CFAP46: variants seen among roughly 807,000 people sequenced by gnomAD.
The protein encoded by CFAP46 is cilia and flagella associated protein 46.
In CFAP46, 245 loss-of-function variants were observed where a neutral mutation model predicts 325.7. The observed-to-expected ratio is 0.75, with a 90% CI of 0.68 to 0.84. The LOEUF (loss-of-function observed/expected upper bound fraction) is 0.84, where lower values mean the gene tolerates loss of function less well. Among genes scored for constraint, CFAP46 ranks in the 40% least tolerant of loss-of-function variants. The probability of loss-of-function intolerance (pLI) is 0.00; values close to 1 mark genes in which losing one functional copy is unlikely to be tolerated. For synonymous variants in CFAP46, 1,523 were observed against 1,495.9 expected, an observed-to-expected ratio of 1.02 and a Z score of -0.42; for missense variants, 3,346 against 3,543.0, an observed-to-expected ratio of 0.94 and a Z score of 1.41.
Position 132,844,802 on chromosome 10 carries a change from C to A in CFAP46, c.6438+1255G>T, listed in dbSNP as rs375784497. Among the ~76,000 whole-genome samples the A allele has an allele frequency of 2.6e-5, 4 of 152,310 alleles. 1 individual carries two copies. Among genetic ancestry groups the A allele is most frequent in the African/African-American group, 9.6e-5 (4 of 41,566 alleles). On this transcript the variant is annotated intron_variant, in intron 44 of 57. Transcript: ENST00000368586. ...CCCACAGCAGGTGCTCTGGTACCAGCCTGGCTGCTTGCTCCTCACCTGTCC... is the reference window on the plus strand; with the variant it reads ...CCCACAGCAGGTGCTCTGGTACCAGACTGGCTGCTTGCTCCTCACCTGTCC...
At position 132,919,750 on chromosome 10, in the gene CFAP46, G is replaced by A. The variant is rs764740043; in HGVS notation, c.1731-308C>T. Among the ~76,000 whole-genome samples the A allele has an allele frequency of 1.2e-4, 18 of 152,162 alleles. No individual in the cohort carries two copies. The highest frequency in any genetic ancestry group is 1.8e-4 in the Non-Finnish European group (12 of 67,980). On this transcript the variant is annotated intron_variant, in intron 14 of 57. Transcript: ENST00000368586. This position sits in a 1 kb window ranked among gnomAD's most constrained non-coding sequence, Gnocchi z 9.7. ...AGGCCTCCCGGGGATGGTACCGACC[G>A]CAGGGTCGGTACCAAAAATCAGCCT...
Position 132,814,908 on chromosome 10 carries a change from C to T in CFAP46, c.7124G>A (p.Gly2375Asp). Residue 2375 changes from glycine to aspartate, a missense_variant, in exon 51 of 58, where the codon GGC (glycine) becomes GAC (aspartate). Transcript: ENST00000368586. The stretch of plus-strand genomic sequence containing the variant: ...TCTGCTTCTTCCCTCCTTTTTCACG[C>T]CACCTTCTGTTGAAGACAAGAAAGA... ...NRLHKEETEG[G>D]VKKEGRSRDP... The T allele has an allele frequency of 6.2e-7, 1 of 1,614,142 alleles. No individual in the cohort carries two copies. The highest frequency in any genetic ancestry group is 1.1e-5 in the South Asian group (1 of 91,086).
intron 50 of CFAP46, among the ~76,000 whole-genome samples, chr10:132,821,539 TGTGTGCTGTGTGCTGAC>T (rs1847829214): frequency 1.5e-5 from 2 of 134,450 alleles, no homozygotes; most frequent in African/African-American, 2.9e-5. Context: ...TGTGTGCTGA[TGTGTGCTGTGTGCTGAC>T]GTGTGCTGTG....
chr10:132,909,793 C>T, intron 20 of CFAP46, 126 bp downstream of exon 20: 1 of 902,748 alleles, frequency 1.1e-6, no homozygotes, highest in Non-Finnish European at 1.6e-6. Flanking sequence ...AAGGGAGTGC[C>T]CAGGCCATCC....
chr10:132,866,722 T>G (rs924322181), intron 34 of CFAP46, among the ~76,000 whole-genome samples: 2 of 152,230 alleles, frequency 1.3e-5, no homozygotes, highest in African/African-American at 4.8e-5. Context: ...GGTCCTGTGC[T>G]GAGCCCCTGT....
rs1457591750 is a variant in CFAP46, at chr10:132,857,651, C to T, written c.5513G>A (p.Gly1838Asp). ...CCTCCCTTCTTCCTCAGCCATGGCG[C>T]CCTGGGCCAGGCCATATAAGCCCTG... The part of the protein sequence containing the change: ...SIQGLYGLAQ[G>D]AMAEEEGRLH... The change falls in exon 39 of 58, where the codon GGC (glycine) becomes GAC (aspartate). Residue 1838 changes from glycine to aspartate, a missense_variant. Transcript: ENST00000368586. 2 of 1,613,196 alleles carry T rather than the reference C, an allele frequency of 1.2e-6. No individual in the cohort carries two copies. The highest frequency in any genetic ancestry group is 2.2e-5 in the South Asian group (2 of 90,748).
At position 132,884,932 on chromosome 10, in the gene CFAP46, G is replaced by A. The variant is rs1425989493; in HGVS notation, c.3627+171C>T. ...CCAGCTCCATCCCTCGTCCCTGACTGGTCAGCAAGAGGAGTGCCCGGGGCC... is the reference window on the plus strand; with the variant it reads ...CCAGCTCCATCCCTCGTCCCTGACTAGTCAGCAAGAGGAGTGCCCGGGGCC... On this transcript the variant is annotated intron_variant, in intron 27 of 57. Transcript: ENST00000368586. This position sits in a 1 kb window ranked among gnomAD's most constrained non-coding sequence, Gnocchi z 5.4. Among the ~76,000 whole-genome samples the A allele has an allele frequency of 1.3e-5, 2 of 152,176 alleles. No homozygotes were observed. Among genetic ancestry groups the A allele is most frequent in the African/African-American group, 2.4e-5 (1 of 41,432 alleles).
chr10:132,811,286 G>A (rs1341255900), intron 55 of CFAP46, among the ~76,000 whole-genome samples: 1 of 152,212 alleles, frequency 6.6e-6, no homozygotes, highest in Non-Finnish European at 1.5e-5. Context: ...AGGAAGTGGT[G>A]GGAAGCCCAC....
Position 132,847,380 on chromosome 10 carries a change from G to T in CFAP46, c.5953-59C>A. 1 of 1,599,446 alleles carries T rather than the reference G, an allele frequency of 6.3e-7. No individual in the cohort carries two copies. The highest frequency in any genetic ancestry group is 2.2e-5 in the East Asian group (1 of 44,638). ...TGGGTTCCTGCTTGGTCGGCGTGGG[G>T]AGGGCCCACCCAGGGAGGCCGGGGT... On this transcript the variant is annotated intron_variant, in intron 41 of 57. Transcript: ENST00000368586. This position sits in a 1 kb window ranked among gnomAD's most constrained non-coding sequence, Gnocchi z 5.2.
chr10:132,879,001 C>T (rs904600633), intron 29 of CFAP46, among the ~76,000 whole-genome samples: 21 of 152,144 alleles, frequency 1.4e-4, no homozygotes, highest in Non-Finnish European at 2.6e-4. Flanking sequence ...GCCCCGTCAG[C>T]GGGCGGTTCA....
chr10:132,866,580 G>A (rs1205592943), intron 34 of CFAP46, among the ~76,000 whole-genome samples: 2 of 152,150 alleles, frequency 1.3e-5, no homozygotes, highest in African/African-American at 4.8e-5. Flanking sequence ...AGGGCGCCCC[G>A]GGTGTGGGCC....
chr10:132,892,260 C>T (rs1234610071), intron 25 of CFAP46, 73 bp downstream of exon 25: 5 of 1,381,402 alleles, frequency 3.6e-6, no homozygotes, highest in Middle Eastern at 1.9e-4. Context: ...AAAAGCACCA[C>T]GTTTAAAATT....
At chr10:132,862,856 G>A (rs1261358961) in intron 35 of CFAP46, among the ~76,000 whole-genome samples, 1 of 151,990 alleles carries the variant, frequency 6.6e-6, no homozygotes, top group Admixed American at 6.5e-5. Context: ...GGGGCGGGAG[G>A]GGAGGGCAGC....
At chr10:132,933,346 C>T (rs993455212) in intron 8 of CFAP46, among the ~76,000 whole-genome samples, 10 of 152,212 alleles carry the variant, frequency 6.6e-5, no homozygotes, top group Non-Finnish European at 1.3e-4. Flanking sequence ...GTAAAAGTGC[C>T]TGAGAATGCC....
chr10:132,809,131 C>T (rs1326292209), intron 57 of CFAP46, among the ~76,000 whole-genome samples: 2 of 152,150 alleles, frequency 1.3e-5, no homozygotes, highest in Admixed American at 6.5e-5. Flanking sequence ...ACTGGACCCC[C>T]GATCCGAAGC....
rs571588702 is a variant in CFAP46, at chr10:132,869,071, C to T, written c.4610+203G>A. ...CTGGAGAGCCCCCCTCACCGCCCCT[C>T]CCTCCCTCTGTGAGGAGCACCTCCC... is the stretch of plus-strand genomic sequence containing the variant. On this transcript the variant is annotated intron_variant, in intron 33 of 57. Coordinates refer to ENST00000368586, the MANE Select transcript of CFAP46 (RefSeq NM_001200049.3). This position sits in a 1 kb window ranked among gnomAD's most constrained non-coding sequence, Gnocchi z 6.2. Among the ~76,000 whole-genome samples, 3 of 152,368 alleles carry T rather than the reference C, an allele frequency of 2.0e-5. No homozygotes were observed. Among genetic ancestry groups the T allele is most frequent in the East Asian group, 3.9e-4 (2 of 5,180 alleles).
chr10:132,885,897 C>A lies in CFAP46; in HGVS notation c.3367G>T (p.Asp1123Tyr), dbSNP rs773171970. The A allele has an allele frequency of 6.5e-7, 1 of 1,550,088 alleles. No individual in the cohort carries two copies. The highest frequency in any genetic ancestry group is 8.7e-7 in the Non-Finnish European group (1 of 1,146,824). ...AGGCCGCCCTCCCAGTCGTCCTGGT[C>A]GGCATGGCTGTGGAAGAGCAGGCCG... ...LYGLLFHSHA[D>Y]QDDWEGGLKV... Residue 1123 changes from aspartate (D) to tyrosine (Y), a missense_variant, in exon 26 of 58, where the codon GAC (aspartate) becomes TAC (tyrosine). Transcript: ENST00000368586.
At chr10:132,927,267 G>A (rs547184842) in intron 9 of CFAP46, among the ~76,000 whole-genome samples, 2 of 152,358 alleles carry the variant, frequency 1.3e-5, no homozygotes, top group African/African-American at 2.4e-5. Context: ...GCTGATGATG[G>A]TGAAGCATCT....
At chr10:132,901,500 T>A (rs970675629) in intron 22 of CFAP46, among the ~76,000 whole-genome samples, 2 of 152,234 alleles carry the variant, frequency 1.3e-5, no homozygotes, top group Admixed American at 6.5e-5. Context: ...ACCACGGCTC[T>A]ACCTCACCTG....
Sources: allele counts gnomAD v4.1 joint callset (sites outside exome capture counted in the v4.1 genomes callset), GRCh38; gene constraint gnomAD v4.1.1; non-coding constraint Gnocchi (gnomAD v3.1); transcripts MANE v1.5; gene names NCBI Gene and HGNC (gene_info 2026-07-23, HGNC 2026-07-21).